NCKAP5: variants seen among roughly 807,000 people sequenced by gnomAD.
The protein encoded by NCKAP5 is NCK associated protein 5.
NCKAP5 carries 92 observed loss-of-function variants against 167.0 expected under a neutral mutation model. The observed-to-expected ratio is 0.55, with a 90% CI of 0.47 to 0.66. The LOEUF (loss-of-function observed/expected upper bound fraction) is 0.66. Among genes scored for constraint, NCKAP5 ranks in the 30% least tolerant of loss-of-function variants. The pLI, the probability that NCKAP5 is intolerant of heterozygous loss-of-function variation, is 0.00. For synonymous variants in NCKAP5, 891 were observed against 877.4 expected, an observed-to-expected ratio of 1.02 and a Z score of -0.27; for missense variants, 2,378 against 2,315.0, an observed-to-expected ratio of 1.03 and a Z score of -0.56.
At chr2:133,358,170 C>A (rs752655922) in intron 3 of NCKAP5, among the ~76,000 whole-genome samples, 3 of 152,192 alleles carry the variant, frequency 2.0e-5, no homozygotes, top group Non-Finnish European at 2.9e-5. Flanking sequence ...TAACCAGTTA[C>A]GTATCTGTTT....
intron 3 of NCKAP5, among the ~76,000 whole-genome samples, chr2:133,325,375 T>C (rs899508737): frequency 5.9e-5 from 9 of 152,326 alleles, no homozygotes; most frequent in Middle Eastern, 3.4e-3. Flanking sequence ...CCTAAGTGCC[T>C]ACATAAACCT....
At chr2:132,957,106 C>T (rs540437280) in intron 8 of NCKAP5, among the ~76,000 whole-genome samples, 1 of 152,272 alleles carries the variant, frequency 6.6e-6, no homozygotes, top group South Asian at 2.1e-4. Context: ...TTTGTATTTC[C>T]ACCTGCCCAT....
intron 3 of NCKAP5, among the ~76,000 whole-genome samples, chr2:133,367,971 A>G (rs1199246998): frequency 6.6e-6 from 1 of 152,176 alleles, no homozygotes; most frequent in Non-Finnish European, 1.5e-5. Context: ...CTGCAGGTGG[A>G]GACCCCAGCC....
chr2:133,196,957 A>T (rs577863724), intron 5 of NCKAP5, among the ~76,000 whole-genome samples: 16 of 152,314 alleles, frequency 1.1e-4, no homozygotes, highest in Admixed American at 2.6e-4. Context: ...TCCTTCCCAG[A>T]GGAGCTTCAA....
At chr2:132,765,157 A>G (rs1341852506) in intron 16 of NCKAP5, among the ~76,000 whole-genome samples, 1 of 152,210 alleles carries the variant, frequency 6.6e-6, no homozygotes, top group East Asian at 1.9e-4. Context: ...CAAGTTCAAC[A>G]TATTTTCTCA....
At chr2:132,878,547 A>G (rs942599375) in intron 9 of NCKAP5, among the ~76,000 whole-genome samples, 1 of 152,064 alleles carries the variant, frequency 6.6e-6, no homozygotes, top group Admixed American at 6.6e-5. Flanking sequence ...GCCCAAGAAT[A>G]TGAAACAACA....
At chr2:132,806,552 G>T (rs1685455697) in intron 11 of NCKAP5, among the ~76,000 whole-genome samples, 1 of 152,014 alleles carries the variant, frequency 6.6e-6, no homozygotes, top group Admixed American at 6.6e-5. Context: ...ATGTTTGGTA[G>T]CCATTTGTAT....
At chr2:133,622,613 C>T in the NCKAP5 span, among the ~76,000 whole-genome samples, 2 of 151,902 alleles carry the variant, frequency 1.3e-5, no homozygotes, top group African/African-American at 4.8e-5. Context: ...ATGTGAAAGA[C>T]CTCTACAAGG....
chr2:132,887,322 T>C (rs1313074237), intron 8 of NCKAP5, among the ~76,000 whole-genome samples: 1 of 106,566 alleles, frequency 9.4e-6, no homozygotes, highest in Non-Finnish European at 1.7e-5. Context: ...TTTTATTTTA[T>C]CTATCTATCT....
chr2:132,688,615 G>T (rs1686277630), intron 19 of NCKAP5, among the ~76,000 whole-genome samples: 1 of 152,118 alleles, frequency 6.6e-6, no homozygotes, highest in African/African-American at 2.4e-5. Context: ...AGCCTGCGGG[G>T]TTGGGCAGCA....
chr2:133,669,440 G>A, the NCKAP5 span, among the ~76,000 whole-genome samples: 1 of 152,124 alleles, frequency 6.6e-6, no homozygotes, highest in Non-Finnish European at 1.5e-5. Context: ...TAGAAATGGG[G>A]TTTAAGTGGT....
chr2:133,543,658 C>T (rs1686414294), intron 2 of NCKAP5, among the ~76,000 whole-genome samples: 1 of 152,172 alleles, frequency 6.6e-6, no homozygotes, highest in Non-Finnish European at 1.5e-5. Flanking sequence ...CTTTATTTCC[C>T]CTGTGGGAAA....
chr2:132,945,578 G>A (rs1697656356), intron 8 of NCKAP5, among the ~76,000 whole-genome samples: 1 of 152,084 alleles, frequency 6.6e-6, no homozygotes, highest in Non-Finnish European at 1.5e-5. Flanking sequence ...AGCACCCAGT[G>A]TCAACATCCT....
chr2:133,106,024 C>G (rs1000499399), intron 6 of NCKAP5, among the ~76,000 whole-genome samples: 1 of 152,064 alleles, frequency 6.6e-6, no homozygotes, highest in Admixed American at 6.6e-5. Context: ...AAGCTCTCTT[C>G]TCCTTTTATT....
At chr2:133,145,006 G>T (rs1362901452) in intron 5 of NCKAP5, among the ~76,000 whole-genome samples, 4 of 152,112 alleles carry the variant, frequency 2.6e-5, no homozygotes, top group African/African-American at 7.2e-5. Flanking sequence ...TAGCCATACA[G>T]ATTAACATTT....
intron 3 of NCKAP5, among the ~76,000 whole-genome samples, chr2:133,364,084 G>A (rs1034517402): frequency 1.1e-4 from 17 of 151,932 alleles, no homozygotes; most frequent in South Asian, 2.1e-4. Context: ...CATCATCATC[G>A]TCATCATCTA....
chr2:133,050,438 G>T (rs745481272), intron 6 of NCKAP5, among the ~76,000 whole-genome samples: 1 of 152,136 alleles, frequency 6.6e-6, no homozygotes, highest in Non-Finnish European at 1.5e-5. Flanking sequence ...GAAAAAAAAT[G>T]AGTAAACTTT....
chr2:132,735,124 T>C (rs1237017634), intron 16 of NCKAP5, among the ~76,000 whole-genome samples: 1 of 152,244 alleles, frequency 6.6e-6, no homozygotes, highest in Non-Finnish European at 1.5e-5. Flanking sequence ...CCCAAATGCC[T>C]AGCAACTCTT....
intron 3 of NCKAP5, among the ~76,000 whole-genome samples, chr2:133,381,203 G>A (rs1686494821): frequency 6.9e-6 from 1 of 145,976 alleles, no homozygotes; most frequent in Non-Finnish European, 1.6e-5. Context: ...GCTGCTGCCA[G>A]TCCCCATTCC....
Sources: allele counts gnomAD v4.1 joint callset (sites outside exome capture counted in the v4.1 genomes callset), GRCh38; gene constraint gnomAD v4.1.1; transcripts MANE v1.5; gene names NCBI Gene and HGNC (gene_info 2026-07-23, HGNC 2026-07-21).